Variants in CNTN5 observed in about 807,000 individuals in gnomAD.
The protein encoded by CNTN5 is contactin-5.
A neutral mutation model predicts 129.1 loss-of-function variants in CNTN5; 77 were observed. The observed-to-expected ratio is 0.60, with a 90% CI of 0.50 to 0.72. The LOEUF (loss-of-function observed/expected upper bound fraction) is 0.72, where lower values mean the gene tolerates loss of function less well. Ranked by LOEUF, CNTN5 falls within the 30% of genes least tolerant of loss-of-function variation. The pLI is 0.00. For missense variants in CNTN5, 1,478 were observed against 1,328.8 expected (o/e 1.11, Z -1.75); for synonymous variants, 509 against 465.6 (o/e 1.09, Z -1.20).
At chr11:99,391,520 C>T (rs11219741) in intron 2 of CNTN5, among the ~76,000 whole-genome samples, 20,518 of 152,030 alleles carry the variant, frequency 0.13, 1,559 homozygotes, top group East Asian at 0.23. Context: ...CAAGCTTTCG[C>T]TAAGATATAT....
rs568710170 is a variant in CNTN5, at chr11:99,769,251, A to G, written c.56-50293A>G. Among the ~76,000 whole-genome samples the G allele has an allele frequency of 2.0e-5, 3 of 152,252 alleles. No homozygotes were observed. In the South Asian group the frequency reaches 6.2e-4, roughly 32 times the overall value. ...TGAAGCAACAAAATACTCAGGGCCC[A>G]CTTTCTGATTCCTCTGCCCTAAACC... On this transcript the variant is annotated intron_variant, in intron 3 of 24. Transcript: ENST00000524871.
At chr11:99,512,896 A>G (rs1201336084) in intron 2 of CNTN5, among the ~76,000 whole-genome samples, 1 of 152,146 alleles carries the variant, frequency 6.6e-6, no homozygotes, top group Non-Finnish European at 1.5e-5. Flanking sequence ...TAAGTGTTCA[A>G]GTAAAAGGAA....
At chr11:99,070,935 C>T (rs1339278081) in intron 1 of CNTN5, among the ~76,000 whole-genome samples, 10 of 152,084 alleles carry the variant, frequency 6.6e-5, no homozygotes, top group Non-Finnish European at 1.3e-4. Flanking sequence ...ACATGCAAAT[C>T]ATCTGTAAAT....
At chr11:100,221,503 A>G (rs1949265473) in intron 15 of CNTN5, among the ~76,000 whole-genome samples, 1 of 152,124 alleles carries the variant, frequency 6.6e-6, no homozygotes, top group Admixed American at 6.5e-5. Flanking sequence ...GAAAGACAGC[A>G]TTTTCCTGTT....
At chr11:99,171,994 C>T (rs1861170359) in intron 1 of CNTN5, among the ~76,000 whole-genome samples, 1 of 152,092 alleles carries the variant, frequency 6.6e-6, no homozygotes. Flanking sequence ...TCAAAGTGAG[C>T]AATTTCATTT....
At chr11:100,341,799 A>T (rs1952168185) in intron 23 of CNTN5, among the ~76,000 whole-genome samples, 1 of 152,060 alleles carries the variant, frequency 6.6e-6, no homozygotes, top group Non-Finnish European at 1.5e-5. Context: ...AATATATGTG[A>T]TCTATGTATT....
At chr11:99,163,778 T>C (rs990753402) in intron 1 of CNTN5, among the ~76,000 whole-genome samples, 1 of 152,208 alleles carries the variant, frequency 6.6e-6, no homozygotes, top group Non-Finnish European at 1.5e-5. Flanking sequence ...CCGGTTTGAA[T>C]GTCACATTTA....
chr11:99,423,679 C>T (rs1942994618), intron 2 of CNTN5, among the ~76,000 whole-genome samples: 1 of 152,116 alleles, frequency 6.6e-6, no homozygotes, highest in South Asian at 2.1e-4. Flanking sequence ...CTTGGTGATC[C>T]ATTTAAAATG....
intron 2 of CNTN5, among the ~76,000 whole-genome samples, chr11:99,411,057 G>A (rs759749438): frequency 2.0e-5 from 3 of 152,070 alleles, no homozygotes; most frequent in Non-Finnish European, 1.5e-5. Context: ...TTTATGAATT[G>A]TTCTATTACA....
chr11:99,561,633 A>G (rs1218166187), intron 3 of CNTN5, among the ~76,000 whole-genome samples: 1 of 25,682 alleles, frequency 3.9e-5, no homozygotes, highest in East Asian at 1.2e-3. Flanking sequence ...GATCAATATT[A>G]GCAGAGATAA....
chr11:99,482,697 A>G (rs1945647287), intron 2 of CNTN5, among the ~76,000 whole-genome samples: 2 of 152,200 alleles, frequency 1.3e-5, no homozygotes, highest in South Asian at 4.1e-4. Flanking sequence ...CCTAGAAGAT[A>G]ACGTAGGAGA....
intron 13 of CNTN5, among the ~76,000 whole-genome samples, chr11:100,184,569 A>G (rs1460453682): frequency 2.0e-5 from 3 of 152,178 alleles, no homozygotes; most frequent in Non-Finnish European, 2.9e-5. Flanking sequence ...GCCAACAGGC[A>G]TGAACTTGGA....
chr11:99,582,116 T>A (rs1949623840), intron 3 of CNTN5, among the ~76,000 whole-genome samples: 1 of 152,200 alleles, frequency 6.6e-6, no homozygotes, highest in African/African-American at 2.4e-5. Flanking sequence ...AAATTCTGGG[T>A]TGAAAATTCT....
At chr11:100,146,582 AT>A (rs1946858061) in intron 13 of CNTN5, among the ~76,000 whole-genome samples, 5 of 152,152 alleles carry the variant, frequency 3.3e-5, no homozygotes, top group Admixed American at 2.0e-4. Flanking sequence ...TGAAATAAGT[AT>A]TATGTCAGTT....
intron 1 of CNTN5, among the ~76,000 whole-genome samples, chr11:99,049,036 G>T (rs1864321162): frequency 6.6e-6 from 1 of 152,102 alleles, no homozygotes; most frequent in African/African-American, 2.4e-5. Flanking sequence ...TCCTGGGAGA[G>T]AATTGGGAAA....
At position 100,288,857 on chromosome 11, in the gene CNTN5, G is replaced by A. The variant is rs1247258900; in HGVS notation, c.2315-8768G>A. Among the ~76,000 whole-genome samples the A allele has an allele frequency of 5.3e-5, 8 of 151,780 alleles. No individual in the cohort carries two copies. The East Asian group carries it at 5.8e-4, about 11-fold the overall frequency. On this transcript the variant is annotated intron_variant, in intron 18 of 24. Coordinates refer to ENST00000524871, the MANE Select transcript of CNTN5 (RefSeq NM_014361.4). ...AAAGGATCAACAAAATTGATAGACC[G>A]CTAGCAAGACTAATAAAGAAAAAAA...
intron 3 of CNTN5, among the ~76,000 whole-genome samples, chr11:99,621,996 C>G (rs970697519): frequency 1.3e-5 from 2 of 152,100 alleles, no homozygotes; most frequent in African/African-American, 4.8e-5. Flanking sequence ...AAATCTGACT[C>G]GTTTTATCTG....
chr11:99,684,976 G>T lies in CNTN5; in HGVS notation c.55+128707G>T, dbSNP rs192181823. ...GTCTGCTCTTATTTTTTATTTTTTA[G>T]TTTATTATTTTTGTAATTTAAACAT... is the stretch of plus-strand genomic sequence containing the variant. On this transcript the variant is annotated intron_variant, in intron 3 of 24. Coordinates refer to ENST00000524871, the MANE Select transcript of CNTN5 (RefSeq NM_014361.4). 2.0e-3 allele frequency among the ~76,000 whole-genome samples: 300 copies of T among 150,338 alleles called. 1 individual carries two copies. Among genetic ancestry groups the T allele is most frequent in the African/African-American group, 7.2e-3 (295 of 40,760 alleles).
intron 21 of CNTN5, chr11:100,336,965 G>T: frequency 2.8e-6 from 2 of 723,554 alleles, no homozygotes; most frequent in East Asian, 2.5e-5. Context: ...AGGCAGAAAA[G>T]AAATCAAGAG....
Sources: allele counts gnomAD v4.1 joint callset (sites outside exome capture counted in the v4.1 genomes callset), GRCh38; gene constraint gnomAD v4.1.1; transcripts MANE v1.5; gene names NCBI Gene and HGNC (gene_info 2026-07-23, HGNC 2026-07-21).